Variants in PCDHGA1 observed in about 807,000 individuals in gnomAD.
PCDHGA1 encodes protocadherin gamma subfamily A, 1, also known as protocadherin gamma-A1.
Under a neutral mutation model 58.0 loss-of-function variants are expected in PCDHGA1, and 32 were observed. The observed-to-expected ratio is 0.55, with a 90% CI of 0.42 to 0.74. The LOEUF (loss-of-function observed/expected upper bound fraction) is 0.74, where lower values mean the gene tolerates loss of function less well. Among genes scored for constraint, PCDHGA1 ranks in the 30% least tolerant of loss-of-function variants. The pLI is 0.00. For synonymous variants in PCDHGA1, 498 were observed against 501.1 expected (o/e 0.99, Z 0.08); for missense variants, 1,205 against 1,182.3 (o/e 1.02, Z -0.28).
intron 1 of PCDHGA1, chr5:141,384,354 C>A (rs1437330360): frequency 6.2e-7 from 1 of 1,613,844 alleles, no homozygotes; most frequent in Non-Finnish European, 8.5e-7. Context: ...AGGATAATGC[C>A]CAGATCACTT....
rs1688094877 is a variant in PCDHGA1 at position 141,432,625 on chromosome 5, C to T, written c.2422-62182C>T. 1.2e-6 allele frequency: 2 copies of T among 1,613,240 alleles called. No individual in the cohort carries two copies. The highest frequency in any genetic ancestry group is 1.7e-6 in the Non-Finnish European group (2 of 1,179,778). ...CGGGACTCTTCTCGGTGGGTCTGCA[C>T]ACGGGCGAGGTGCGCACGGCGCGAG... On this transcript the variant is annotated intron_variant, in intron 1 of 3. Coordinates refer to ENST00000517417, the MANE Select transcript of PCDHGA1 (RefSeq NM_018912.3). The surrounding 1 kb of genome is among the most constrained non-coding windows in gnomAD (Gnocchi z 6.0).
At chr5:141,419,125 C>T in intron 1 of PCDHGA1, 1 of 1,613,852 alleles carries the variant, frequency 6.2e-7, no homozygotes, top group South Asian at 1.1e-5. Flanking sequence ...ACGTCACCAT[C>T]GCAGCCACAG....
At chr5:141,457,537 T>A (rs967428207) in intron 1 of PCDHGA1, among the ~76,000 whole-genome samples, 2 of 152,228 alleles carry the variant, frequency 1.3e-5, no homozygotes, top group Admixed American at 6.5e-5. Flanking sequence ...TAGGGTTTAA[T>A]GACAAATGTA....
At chr5:141,371,063 C>T (rs774821524) in intron 1 of PCDHGA1, 2 of 1,613,962 alleles carry the variant, frequency 1.2e-6, no homozygotes, top group South Asian at 2.2e-5. Context: ...CCTCCAGAAG[C>T]TGTACCACCC....
At chr5:141,450,885 T>C (rs1262944058) in intron 1 of PCDHGA1, among the ~76,000 whole-genome samples, 1 of 149,238 alleles carries the variant, frequency 6.7e-6, no homozygotes, top group African/African-American at 2.5e-5. Context: ...TGTGCAGTGG[T>C]GCGATATCGG....
intron 1 of PCDHGA1, chr5:141,352,291 C>T (rs747203804): frequency 1.2e-5 from 20 of 1,614,082 alleles, no homozygotes; most frequent in South Asian, 3.3e-5. Flanking sequence ...GCCCTGAGCC[C>T]TCTGACCCCC....
chr5:141,423,317 C>T, intron 1 of PCDHGA1: 4 of 1,614,118 alleles, frequency 2.5e-6, no homozygotes, highest in Non-Finnish European at 3.4e-6. Flanking sequence ...TTGGTGGTGG[C>T]GGTGGCCGCA....
chr5:141,407,497 G>GTTTTTTTTTTTTTTTTTTTTTTTTTT (rs1554102286), intron 1 of PCDHGA1, among the ~76,000 whole-genome samples: 1 of 152,086 alleles, frequency 6.6e-6, no homozygotes, highest in African/African-American at 2.4e-5. Context: ...CTTTATTTCT[G>GTTTTTTTTTTTTTTTTTTTTTTTTTT]TTTTTCTTAG....
chr5:141,422,272 A>T, intron 1 of PCDHGA1: 13 of 1,561,362 alleles, frequency 8.3e-6, no homozygotes, highest in Non-Finnish European at 1.1e-5. Context: ...TCCAGAAATA[A>T]CTATCACCTC....
chr5:141,412,790 A>G lies in PCDHGA1; in HGVS notation c.2421+79685A>G, dbSNP rs557299291. ...ATTTACAATATTTTCACTCCACTTTATCACACCTCCCCTAAGAAACCTACA... is the reference window on the plus strand; with the variant it reads ...ATTTACAATATTTTCACTCCACTTTGTCACACCTCCCCTAAGAAACCTACA... On this transcript the variant is annotated intron_variant, in intron 1 of 3. Coordinates refer to ENST00000517417, the MANE Select transcript of PCDHGA1 (RefSeq NM_018912.3). Among the ~76,000 whole-genome samples the G allele has an allele frequency of 2.0e-5, 3 of 152,370 alleles. No individual in the cohort carries two copies. The South Asian group carries it at 6.2e-4, about 32-fold the overall frequency.
At chr5:141,441,855 G>A in intron 1 of PCDHGA1, 3 of 351,872 alleles carry the variant, frequency 8.5e-6, no homozygotes, top group Admixed American at 4.0e-5. Flanking sequence ...ATATGGTGCT[G>A]CACGCCGCGG....
At chr5:141,420,214 C>G (rs1356792048) in intron 1 of PCDHGA1, 1 of 1,611,064 alleles carries the variant, frequency 6.2e-7, no homozygotes, top group Admixed American at 1.7e-5. Context: ...ACAAAGATAG[C>G]ATGCTACTGG....
At chr5:141,389,691 T>A in intron 1 of PCDHGA1, 1 of 1,612,564 alleles carries the variant, frequency 6.2e-7, no homozygotes, top group Non-Finnish European at 8.5e-7. Flanking sequence ...CGCCTGGCTG[T>A]CCTACCACGT....
chr5:141,330,730 C>CT lies in PCDHGA1; in HGVS notation c.47dup (p.Cys17ValfsTer55). The CT allele has an allele frequency of 6.2e-7, 1 of 1,613,574 alleles. No individual in the cohort carries two copies. On this transcript the variant is annotated frameshift_variant, in exon 1 of 4. Transcript: ENST00000517417. LOFTEE classifies it high-confidence loss of function. Reference sequence around the variant, plus strand: ...GACTGGCTGCAGCAGGCTGATGCTTCTGTGTCTTTCTCTGGAGCTGCTGTT... The same window carrying CT: ...GACTGGCTGCAGCAGGCTGATGCTTCTTGTGTCTTTCTCTGGAGCTGCTGTT...
At chr5:141,333,783 C>G (rs982410823) in intron 1 of PCDHGA1, 2 of 152,704 alleles carry the variant, frequency 1.3e-5, no homozygotes, top group Non-Finnish European at 2.9e-5. Flanking sequence ...ACCTCCTGGG[C>G]TCAAGCGATC....
chr5:141,365,000 G>C (rs188773052), intron 1 of PCDHGA1: 16 of 1,613,704 alleles, frequency 9.9e-6, no homozygotes, highest in South Asian at 3.3e-5. Context: ...GGTACTCTCC[G>C]GCACCACGCA....
Position 141,487,665 on chromosome 5 carries a change from G to T in PCDHGA1, c.2422-7142G>T, listed in dbSNP as rs373971935. 8.7e-5 allele frequency: 141 copies of T among 1,612,724 alleles called. No individual in the cohort carries two copies. The highest frequency in any genetic ancestry group is 1.1e-4 in the Non-Finnish European group (135 of 1,179,392). On this transcript the variant is annotated intron_variant, in intron 1 of 3. Coordinates refer to ENST00000517417, the MANE Select transcript of PCDHGA1 (RefSeq NM_018912.3). The surrounding 1 kb of genome is among the most constrained non-coding windows in gnomAD (Gnocchi z 5.0). ...ATGCTTGAGGGTTATTCTGATCCAG[G>T]CATATGGCTAGGCCATGTCCTAGAG...
chr5:141,415,096 G>A (rs1398998410), intron 1 of PCDHGA1: 3 of 1,613,462 alleles, frequency 1.9e-6, no homozygotes, highest in Non-Finnish European at 2.5e-6. Flanking sequence ...GGACAGAGAC[G>A]CGCTCAAGCA....
intron 1 of PCDHGA1, chr5:141,408,700 A>G (rs748315700): frequency 3.1e-6 from 5 of 1,613,470 alleles, no homozygotes; most frequent in Admixed American, 3.3e-5. Flanking sequence ...ACATAAACTC[A>G]ATTAAAGATT....
Sources: allele counts gnomAD v4.1 joint callset (sites outside exome capture counted in the v4.1 genomes callset), GRCh38; gene constraint gnomAD v4.1.1; non-coding constraint Gnocchi (gnomAD v3.1); transcripts MANE v1.5; gene names NCBI Gene and HGNC (gene_info 2026-07-23, HGNC 2026-07-21).